Variants in MYO1B observed in about 807,000 individuals in gnomAD.
MYO1B encodes unconventional myosin-Ib.
MYO1B carries 72 observed loss-of-function variants against 159.7 expected under a neutral mutation model. The ratio of observed to expected loss-of-function variants is 0.45; its 90% CI spans 0.37 to 0.55. MYO1B has a LOEUF of 0.55. MYO1B is among the 20% of genes least tolerant of loss of function. The pLI, the probability that MYO1B is intolerant of heterozygous loss-of-function variation, is 0.00. For synonymous variants in MYO1B, 468 were observed against 473.8 expected, an observed-to-expected ratio of 0.99 and a Z score of 0.16; for missense variants, 1,062 against 1,364.8, an observed-to-expected ratio of 0.78 and a Z score of 3.50.
At chr2:191,423,277 C>T (rs900451477) in intron 30 of MYO1B, among the ~76,000 whole-genome samples, 5 of 152,152 alleles carry the variant, frequency 3.3e-5, no homozygotes, top group African/African-American at 1.2e-4. Flanking sequence ...GTACTGCATA[C>T]TGTAGGCAAT....
rs181186491 is a variant in MYO1B at position 191,391,275 on chromosome 2, G to A, written c.1982+783G>A. Among the ~76,000 whole-genome samples, 601 of 152,312 alleles carry A rather than the reference G, an allele frequency of 3.9e-3. 2 individuals carry two copies. The highest frequency in any genetic ancestry group is 0.014 in the African/African-American group (579 of 41,564). ...TCATGGGCCTAGGCAGGAAATGGGC[G>A]ATTTTCATTTAACTGTACTGGTATT... On this transcript the variant is annotated intron_variant, in intron 18 of 30. Coordinates refer to ENST00000392318, the MANE Select transcript of MYO1B (RefSeq NM_001130158.3).
intron 3 of MYO1B, among the ~76,000 whole-genome samples, chr2:191,317,800 ATTC>A (rs1382684868): frequency 6.6e-6 from 1 of 152,206 alleles, no homozygotes; most frequent in Non-Finnish European, 1.5e-5. Context: ...CTTTAACTTA[ATTC>A]TTCGAGTATT....
chr2:191,286,115 T>C (rs570598671), intron 2 of MYO1B, among the ~76,000 whole-genome samples: 1 of 152,342 alleles, frequency 6.6e-6, no homozygotes, highest in South Asian at 2.1e-4. Flanking sequence ...AATTAGGCTA[T>C]TAGCATCAAT....
intron 27 of MYO1B, among the ~76,000 whole-genome samples, chr2:191,412,632 C>T (rs1418866487): frequency 6.6e-6 from 1 of 152,224 alleles, no homozygotes; most frequent in African/African-American, 2.4e-5. Context: ...CTTCCCTTAT[C>T]CTCCACCCAC....
At chr2:191,255,675 G>T (rs891164561) in intron 1 of MYO1B, among the ~76,000 whole-genome samples, 3 of 152,168 alleles carry the variant, frequency 2.0e-5, no homozygotes, top group Admixed American at 2.0e-4. Flanking sequence ...CAAAGTGAAG[G>T]TATTTATTTT....
intron 3 of MYO1B, among the ~76,000 whole-genome samples, chr2:191,305,973 G>A (rs1449994016): frequency 6.6e-6 from 1 of 152,112 alleles, no homozygotes; most frequent in African/African-American, 2.4e-5. Flanking sequence ...GGTGCCCACC[G>A]TGAGCCATGT....
At chr2:191,397,365 G>GTA (rs1307336826) in intron 21 of MYO1B, among the ~76,000 whole-genome samples, 1 of 145,574 alleles carries the variant, frequency 6.9e-6, no homozygotes, top group Non-Finnish European at 1.5e-5. Context: ...GTGTCCCTGG[G>GTA]TACTTAAGAT....
At chr2:191,395,483 C>T (rs1005636296) in intron 20 of MYO1B, among the ~76,000 whole-genome samples, 3 of 152,230 alleles carry the variant, frequency 2.0e-5, no homozygotes, top group African/African-American at 7.2e-5. Flanking sequence ...CCAGCTGGCA[C>T]TTCTAACATG....
chr2:191,410,224 G>T (rs1184251784), intron 26 of MYO1B, among the ~76,000 whole-genome samples: 1 of 152,120 alleles, frequency 6.6e-6, no homozygotes, highest in African/African-American at 2.4e-5. Flanking sequence ...CCCTGGCTTT[G>T]CAATCTCACC....
At chr2:191,368,352 G>C (rs551588849) in intron 11 of MYO1B, among the ~76,000 whole-genome samples, 1 of 152,136 alleles carries the variant, frequency 6.6e-6, no homozygotes, top group South Asian at 2.1e-4. Context: ...AAAACCTCAA[G>C]CTTTTTCTCT....
At position 191,402,652 on chromosome 2, in the gene MYO1B, C is replaced by G. The variant is rs770052311; in HGVS notation, c.2490C>G (p.Arg830=). 6.2e-7 allele frequency: 1 copy of G among 1,613,748 alleles called. No individual in the cohort carries two copies. Among genetic ancestry groups the G allele is most frequent in the South Asian group, 1.1e-5 (1 of 90,992 alleles). The change falls in exon 24 of 31, where the codon CGC becomes CGG. Residue 830 remains arginine, a synonymous_variant. Transcript: ENST00000392318. ...TCTAGGCTCGAAGGGAATTGAAACG[C>G]TTGAAGGAGGAGGCTAGGCGTAAGC... ...LGSKARRELK[R]LKEEARRKHA... is the part of the protein sequence containing the mutation.
intron 2 of MYO1B, among the ~76,000 whole-genome samples, chr2:191,281,374 C>CT (rs1451262971): frequency 1.3e-5 from 2 of 152,112 alleles, no homozygotes; most frequent in East Asian, 1.9e-4. Flanking sequence ...GTCAGAGACT[C>CT]TATTTGCTTT....
At position 191,360,687 on chromosome 2, in the gene MYO1B, G is replaced by T. The variant is rs1335951715; in HGVS notation, c.619G>T (p.Val207Leu). 1 of 1,613,630 alleles carries T rather than the reference G, an allele frequency of 6.2e-7. No homozygotes were observed. Reference protein sequence around the residue: ...KQPRGERNFHVFYQLLSGASE... With the variant: ...KQPRGERNFHLFYQLLSGASE... The stretch of plus-strand genomic sequence containing the variant: ...GCCAAGAGGTGAAAGAAACTTCCAT[G>T]TGTTCTATCAGCTGCTCTCTGGTGC... Residue 207 changes from valine (V) to leucine (L), a missense_variant, in exon 8 of 31, where the codon GTG (valine) becomes TTG (leucine). Physicochemically the swap from Val to Leu is conservative, Grantham distance 32. Coordinates refer to ENST00000392318, the MANE Select transcript of MYO1B (RefSeq NM_001130158.3).
chr2:191,334,646 G>A (rs1159698832), intron 4 of MYO1B, among the ~76,000 whole-genome samples: 1 of 152,004 alleles, frequency 6.6e-6, no homozygotes, highest in Non-Finnish European at 1.5e-5. Context: ...ATCAGAAGCT[G>A]GAAAATGGAC....
intron 3 of MYO1B, among the ~76,000 whole-genome samples, chr2:191,313,346 G>A (rs10188889): frequency 6.6e-6 from 1 of 151,382 alleles, no homozygotes; most frequent in Non-Finnish European, 1.5e-5. Context: ...GAGTAGCTGA[G>A]ATTACAGGTG....
chr2:191,377,769 T>A (rs1694799153), intron 13 of MYO1B: 1 of 152,250 alleles, frequency 6.6e-6, no homozygotes. Context: ...TGAAAGTTTT[T>A]AATCATATGT....
intron 1 of MYO1B, among the ~76,000 whole-genome samples, chr2:191,271,266 T>G (rs1687440213): frequency 6.6e-6 from 1 of 152,264 alleles, no homozygotes; most frequent in Non-Finnish European, 1.5e-5. Context: ...GCTGTTATAC[T>G]GCTAATGATG....
intron 2 of MYO1B, among the ~76,000 whole-genome samples, chr2:191,291,324 T>C (rs992264384): frequency 3.9e-5 from 6 of 152,220 alleles, no homozygotes; most frequent in South Asian, 4.1e-4. Context: ...TCGAGATGGT[T>C]TTGACTTAAG....
chr2:191,248,396 G>T (rs1279873143), intron 1 of MYO1B, among the ~76,000 whole-genome samples: 1 of 152,178 alleles, frequency 6.6e-6, no homozygotes, highest in Non-Finnish European at 1.5e-5. Flanking sequence ...AGTTGAAAAT[G>T]CATTTAATAC....
Sources: allele counts gnomAD v4.1 joint callset (sites outside exome capture counted in the v4.1 genomes callset), GRCh38; gene constraint gnomAD v4.1.1; transcripts MANE v1.5; gene names NCBI Gene and HGNC (gene_info 2026-07-23, HGNC 2026-07-21).